ZNF202: variants seen among roughly 807,000 people sequenced by gnomAD.
ZNF202 encodes the protein zinc finger protein 202.
A neutral mutation model predicts 54.5 loss-of-function variants in ZNF202; 22 were observed. That is an observed-to-expected ratio of 0.40 (90% CI 0.29 to 0.58). ZNF202 has a LOEUF of 0.58. ZNF202 is among the 20% of genes least tolerant of loss of function. The probability of loss-of-function intolerance (pLI) is 0.39; values close to 1 mark genes in which losing one functional copy is unlikely to be tolerated. For synonymous variants in ZNF202, 294 were observed against 301.4 expected, an observed-to-expected ratio of 0.98 and a Z score of 0.26; for missense variants, 644 against 805.5, an observed-to-expected ratio of 0.80 and a Z score of 2.43.
chr11:123,727,707 T>C (rs1861217324), intron 7 of ZNF202, 112 bp from the exon 8 acceptor site: 1 of 1,378,806 alleles, frequency 7.3e-7, no homozygotes, highest in Non-Finnish European at 9.9e-7. Context: ...CTAGCTCAGG[T>C]GATGAAATCT....
rs979104664 is a variant in ZNF202 at position 123,741,619 on chromosome 11, C to T, written c.-364G>A. 6.5e-6 allele frequency: 1 copy of T among 152,738 alleles called. No homozygotes were observed. Among genetic ancestry groups the T allele is most frequent in the African/African-American group, 2.4e-5 (1 of 41,466 alleles). The allele number at this position is 152,738 out of a possible 1,614,324, so 9.5% of individuals were successfully genotyped here. A position where few individuals can be genotyped will look rare whatever the true frequency, so the allele number is the denominator to read the frequency against. On this transcript the variant is annotated 5_prime_UTR_variant, in exon 1 of 9. Transcript: ENST00000530393. ...CCACCCACTCCCGACCGAAACAGCG[C>T]CGCCGGATCCGAGCCGCGCGGGGCC... is the stretch of plus-strand genomic sequence containing the variant.
At chr11:123,741,060 G>A (rs889413119) in intron 1 of ZNF202, among the ~76,000 whole-genome samples, 1 of 151,972 alleles carries the variant, frequency 6.6e-6, no homozygotes, top group South Asian at 2.1e-4. Context: ...CTGGGGGGCT[G>A]AGGGGGGCTT....
At chr11:123,739,509 T>TACA (rs1395248448) in intron 3 of ZNF202, 2 of 101,518 alleles carry the variant, frequency 2.0e-5, no homozygotes, top group African/African-American at 7.5e-5. Context: ...AAGCCCAGAA[T>TACA]ACAGGTGTAA....
Position 123,726,189 on chromosome 11 carries a change from T to C in ZNF202, c.1755A>G (p.Arg585=). 1 of 1,614,188 alleles carries C rather than the reference T, an allele frequency of 6.2e-7. No individual in the cohort carries two copies. The highest frequency in any genetic ancestry group is 8.5e-7 in the Non-Finnish European group (1 of 1,180,018). ...THSAAFAKHL[R]GHASVRPCRC... ...GGCAGGGCCTCACTGAGGCGTGTCC[T>C]CTCAAGTGCTTGGCGAACGCTGCGC... The change falls in exon 9 of 9, where the codon AGA becomes AGG. Residue 585 remains arginine (R), a synonymous_variant. Coordinates refer to ENST00000530393, the MANE Select transcript of ZNF202 (RefSeq NM_003455.4). This position sits in a 1 kb window ranked among gnomAD's most constrained non-coding sequence, Gnocchi z 6.0.
At position 123,725,656 on chromosome 11, in the gene ZNF202, G is replaced by GAT; in HGVS notation, c.*339_*340dup. On this transcript the variant is annotated 3_prime_UTR_variant, in exon 9 of 9. Coordinates refer to ENST00000530393, the MANE Select transcript of ZNF202 (RefSeq NM_003455.4). ...CTTGAAGCTGTTGAGCAGTCTTTAG[G>GAT]ATATGTAACAGCCTATTTTTTGGAC... The GAT allele has an allele frequency of 4.5e-6, 1 of 221,716 alleles. No homozygotes were observed. The allele number at this position is 221,716 out of a possible 1,614,324, so 13.7% of individuals were successfully genotyped here.
Position 123,730,583 on chromosome 11 carries a change from T to A in ZNF202, c.306A>T (p.Leu102=). 1 of 1,608,672 alleles carries A rather than the reference T, an allele frequency of 6.2e-7. No homozygotes were observed. ...GCCGTTGGCCCCGCACCCAGCTCTGTAGTTCTCCAGGTAGGACGGTAAGAA... is the reference window on the plus strand; with the variant it reads ...GCCGTTGGCCCCGCACCCAGCTCTGAAGTTCTCCAGGTAGGACGGTAAGAA... ...EQFLTVLPGE[L]QSWVRGQRPE... is the part of the protein sequence containing the mutation. Residue 102 remains leucine, a synonymous_variant, in exon 4 of 9, where the codon CTA becomes CTT. Transcript: ENST00000530393. This position sits in a 1 kb window ranked among gnomAD's most constrained non-coding sequence, Gnocchi z 6.0.
In ZNF202 at chr11:123,724,474, A is replaced by T. The variant is rs925893257; in HGVS notation, c.*1523T>A. The stretch of plus-strand genomic sequence containing the variant: ...ATGAGAATTTCCCTGTTGGGCCATT[A>T]GGGTTGGAGTCTTATTAACCCTCCC... On this transcript the variant is annotated 3_prime_UTR_variant, in exon 9 of 9. Transcript: ENST00000530393. 1 of 152,220 alleles carries T rather than the reference A, an allele frequency of 6.6e-6. No homozygotes were observed. Among genetic ancestry groups the T allele is most frequent in the Non-Finnish European group, 1.5e-5 (1 of 68,046 alleles). The allele number at this position is 152,220 out of a possible 1,614,324, so 9.4% of individuals were successfully genotyped here.
In ZNF202 at chr11:123,726,851, G is replaced by C. The variant is rs765989151; in HGVS notation, c.1093C>G (p.Leu365Val). 11 of 1,614,194 alleles carry C rather than the reference G, an allele frequency of 6.8e-6. No individual in the cohort carries two copies. The East Asian group carries it at 2.2e-4, about 33-fold the overall frequency. Residue 365 changes from leucine to valine, a missense_variant, in exon 9 of 9, where the codon CTT (leucine) becomes GTT (valine). Leu to Val is a conservative substitution (Grantham distance 32). This residue lies in a region of ZNF202 where 536 missense variants were observed against 635.3 expected (regional missense o/e 0.84). Coordinates refer to ENST00000530393, the MANE Select transcript of ZNF202 (RefSeq NM_003455.4). This position sits in a 1 kb window ranked among gnomAD's most constrained non-coding sequence, Gnocchi z 6.0. ...TTAGTACCAAATCTTCTTTCATTAA[G>C]TCTACCTGGATTGTCCTCAAAGACT... ...EIVFEDNPGR[L>V]NERRFGTNIS...
chr11:123,739,932 T>TA (rs1346256535), intron 3 of ZNF202, among the ~76,000 whole-genome samples, 185 bp downstream of exon 3: 1 of 152,182 alleles, frequency 6.6e-6, no homozygotes, highest in Non-Finnish European at 1.5e-5. Context: ...CAGGTGCTTA[T>TA]AGTAAGTTTG....
chr11:123,727,683 G>C, intron 7 of ZNF202, 88 bp from the exon 8 acceptor site: 1 of 1,532,008 alleles, frequency 6.5e-7, no homozygotes, highest in Non-Finnish European at 8.9e-7. Flanking sequence ...GTAGGTTGTG[G>C]GGCAAATACA....
intron 8 of ZNF202, 122 bp from the exon 9 acceptor site, chr11:123,727,113 C>A: frequency 1.6e-6 from 2 of 1,258,258 alleles, no homozygotes; most frequent in East Asian, 2.3e-5. Flanking sequence ...CTGTCCTGTG[C>A]CAAGCACTTT....
In ZNF202 at chr11:123,727,513, C is replaced by T. The variant is rs1297974321; in HGVS notation, c.915G>A (p.Glu305=). Residue 305 remains glutamate, a synonymous_variant, in exon 8 of 9, where the codon GAG becomes GAA. Transcript: ENST00000530393. ...PWVPDIQEPQ[E]TQEPEILSFT... ...AACTCAGGATTTCTGGCTCTTGAGT[C>T]TCCTGAGGCTCTTGGATATCTGGGA... 1.2e-6 allele frequency: 2 copies of T among 1,613,970 alleles called. No homozygotes were observed. Among genetic ancestry groups the T allele is most frequent in the African/African-American group, 1.3e-5 (1 of 74,910 alleles).
chr11:123,728,855 AACTTCGCAGTTGT>A (rs1861274491), intron 6 of ZNF202, among the ~76,000 whole-genome samples: 1 of 152,130 alleles, frequency 6.6e-6, no homozygotes, highest in South Asian at 2.1e-4. Context: ...CTCATTTGAC[AACTTCGCAGTTGT>A]ACTGGAGTGT....
At chr11:123,741,215 G>A (rs1291318517) in intron 1 of ZNF202, among the ~76,000 whole-genome samples, 3 of 152,120 alleles carry the variant, frequency 2.0e-5, no homozygotes, top group Admixed American at 1.3e-4. Context: ...CAGTTGGCGC[G>A]GAAGCGTTAG....
chr11:123,732,425 T>C (rs1163579606), intron 3 of ZNF202, among the ~76,000 whole-genome samples: 1 of 152,248 alleles, frequency 6.6e-6, no homozygotes, highest in East Asian at 1.9e-4. Flanking sequence ...CGTGTGTACA[T>C]GCAAAGCACA....
At chr11:123,728,405 G>A in intron 6 of ZNF202, 143 bp from the exon 7 acceptor site, 2 of 1,103,842 alleles carry the variant, frequency 1.8e-6, no homozygotes, top group Non-Finnish European at 2.4e-6. Flanking sequence ...CATTCTCGGG[G>A]GAGCCATGTG....
rs374114817 is a variant in ZNF202, at chr11:123,729,665, G to A, written c.563C>T (p.Ala188Val). The change falls in exon 5 of 9, where the codon GCA (alanine) becomes GTA (valine). Residue 188 changes from alanine (A) to valine (V), a missense_variant. By Grantham distance (64) the Ala-to-Val change is moderately conservative. Transcript: ENST00000530393. Reference sequence around the variant, plus strand: ...CTCTTCCTGGTGTGGACGCTGCTCTGCCGGTGCCCCCAGATCTGGGCTCTG... The same window carrying A: ...CTCTTCCTGGTGTGGACGCTGCTCTACCGGTGCCCCCAGATCTGGGCTCTG... The part of the protein sequence containing the change: ...TTQSPDLGAP[A>V]EQRPHQEEEL... 14 of 1,611,338 alleles carry A rather than the reference G, an allele frequency of 8.7e-6. No individual in the cohort carries two copies. The highest frequency in any genetic ancestry group is 1.2e-5 in the Non-Finnish European group (14 of 1,178,884).
In ZNF202 at chr11:123,729,172, C is replaced by A; in HGVS notation, c.656G>T (p.Ser219Ile). The change falls in exon 6 of 9, where the codon AGC becomes ATC. Residue 219 changes from serine (S) to isoleucine (I), a missense_variant. Coordinates refer to ENST00000530393, the MANE Select transcript of ZNF202 (RefSeq NM_003455.4). ...AGCAACCATCTCTGAGTCTCCAGAG[C>A]TCCTCTCTGCAGGAAGGTCTGGGTC... ...PEDPDLPAER[S>I]SGDSEMVALL... The A allele has an allele frequency of 6.2e-7, 1 of 1,613,952 alleles. No homozygotes were observed. The highest frequency in any genetic ancestry group is 1.1e-5 in the South Asian group (1 of 91,044).
chr11:123,729,333 AC>A lies in ZNF202; in HGVS notation c.614-120del. 3 of 1,048,946 alleles carry A rather than the reference AC, an allele frequency of 2.9e-6. No homozygotes were observed. The East Asian group carries it at 7.8e-5, about 27-fold the overall frequency. 65.0% of individuals were successfully genotyped at this position (1,048,946 alleles called of 1,614,324 possible). A position where few individuals can be genotyped will look rare whatever the true frequency, so the allele number is the denominator to read the frequency against. Reference sequence around the variant, plus strand: ...TGGCCCTATCCTTTCTATTATGGGAACCAAGAAACTGGCCTAAGGGTAGCTC... The same window carrying A: ...TGGCCCTATCCTTTCTATTATGGGAACAAGAAACTGGCCTAAGGGTAGCTC... On this transcript the variant is annotated intron_variant, in intron 5 of 8. Transcript: ENST00000530393.
Sources: allele counts gnomAD v4.1 joint callset (sites outside exome capture counted in the v4.1 genomes callset), GRCh38; gene constraint gnomAD v4.1.1; regional missense constraint gnomAD v4.1.1; non-coding constraint Gnocchi (gnomAD v3.1); transcripts MANE v1.5; gene names NCBI Gene and HGNC (gene_info 2026-07-23, HGNC 2026-07-21).